BANP: variants seen among roughly 807,000 people sequenced by gnomAD.
The protein encoded by BANP is protein BANP.
Under a neutral mutation model 68.1 loss-of-function variants are expected in BANP, and 11 were observed. That is an observed-to-expected ratio of 0.16 (90% CI 0.10 to 0.27). BANP has a LOEUF of 0.27. BANP is among the 10% of genes least tolerant of loss of function. The pLI, the probability that BANP is intolerant of heterozygous loss-of-function variation, is 1.00. For synonymous variants in BANP, 329 were observed against 303.2 expected (o/e 1.09, Z -0.88); for missense variants, 504 against 722.7 (o/e 0.70, Z 3.47).
Position 88,071,334 on chromosome 16 carries a change from C to T in BANP, c.1378-735C>T. 1 of 376,544 alleles carries T rather than the reference C, an allele frequency of 2.7e-6. No homozygotes were observed. The highest frequency in any genetic ancestry group is 5.3e-6 in the Non-Finnish European group (1 of 188,534). The allele number at this position is 376,544 out of a possible 1,614,324, so 23.3% of individuals were successfully genotyped here. A position where few individuals can be genotyped will look rare whatever the true frequency, so the allele number is the denominator to read the frequency against. Reference sequence around the variant, plus strand: ...GCCGTCTTGACACCGGAGCTGCCTGCCTGGATGTTGGAGCGCCCAGTGGAT... The same window carrying T: ...GCCGTCTTGACACCGGAGCTGCCTGTCTGGATGTTGGAGCGCCCAGTGGAT... On this transcript the variant is annotated intron_variant, in intron 12 of 13. Coordinates refer to ENST00000682872, the MANE Select transcript of BANP (RefSeq NM_001386991.1). This position sits in a 1 kb window ranked among gnomAD's most constrained non-coding sequence, Gnocchi z 6.5.
intron 11 of BANP, among the ~76,000 whole-genome samples, chr16:88,058,046 C>CT (rs1446967429): frequency 6.6e-6 from 1 of 152,122 alleles, no homozygotes; most frequent in Non-Finnish European, 1.5e-5. Flanking sequence ...AATTTCCTAC[C>CT]TTTTTTTCAC....
At chr16:87,978,996 G>A (rs969871135) in intron 2 of BANP, among the ~76,000 whole-genome samples, 7 of 152,170 alleles carry the variant, frequency 4.6e-5, no homozygotes, top group Admixed American at 2.0e-4. Flanking sequence ...GACCAAAATC[G>A]GTCGACAGTG....
In BANP at chr16:88,052,781, C is replaced by G. The variant is rs141923593; in HGVS notation, c.1312-12486C>G. On this transcript the variant is annotated intron_variant, in intron 11 of 13. Coordinates refer to ENST00000682872, the MANE Select transcript of BANP (RefSeq NM_001386991.1). ...ACCATTACCATCTCCATCATCATCACTAACATAACCACCTTAACAACCACT... is the reference window on the plus strand; with the variant it reads ...ACCATTACCATCTCCATCATCATCAGTAACATAACCACCTTAACAACCACT... Among the ~76,000 whole-genome samples the G allele has an allele frequency of 1.1e-3, 164 of 151,740 alleles. 3 individuals are homozygous for G. The East Asian group carries it at 0.031, about 28-fold the overall frequency.
intron 6 of BANP, among the ~76,000 whole-genome samples, chr16:88,010,743 C>T (rs2072848614): frequency 6.6e-6 from 1 of 152,260 alleles, no homozygotes; most frequent in Admixed American, 6.5e-5. Context: ...ACCAGCTATG[C>T]ACGTGGAAAG....
intron 9 of BANP, chr16:88,035,048 A>G (rs2079015525): frequency 4.8e-6 from 2 of 413,258 alleles, no homozygotes; most frequent in Non-Finnish European, 8.9e-6. Context: ...GGGAAAAAGC[A>G]TAGCATATAT....
intron 9 of BANP, 43 bp downstream of exon 9, chr16:88,033,288 G>A (rs775647319): frequency 1.0e-5 from 15 of 1,495,264 alleles, no homozygotes; most frequent in East Asian, 2.4e-5. Context: ...AGGGGGCTGC[G>A]GGGTGGGCCA....
At chr16:88,075,865 G>C (rs1452669208) in intron 13 of BANP, among the ~76,000 whole-genome samples, 2 of 150,056 alleles carry the variant, frequency 1.3e-5, no homozygotes, top group Non-Finnish European at 2.9e-5. Flanking sequence ...TCCTACCTCA[G>C]CTTCCCTAGC....
chr16:88,051,200 G>C (rs564750736), intron 11 of BANP, among the ~76,000 whole-genome samples: 2 of 152,346 alleles, frequency 1.3e-5, no homozygotes, highest in Non-Finnish European at 2.9e-5. Context: ...CAGTGGTTTA[G>C]GGCTGAGGCC....
intron 12 of BANP, among the ~76,000 whole-genome samples, chr16:88,067,249 T>A (rs1323031099): frequency 6.6e-6 from 1 of 152,104 alleles, no homozygotes; most frequent in Non-Finnish European, 1.5e-5. Flanking sequence ...CTCATGGGGC[T>A]GAGGGGGTCA....
intron 13 of BANP, among the ~76,000 whole-genome samples, chr16:88,074,584 T>C (rs1032907445): frequency 6.6e-6 from 1 of 152,058 alleles, no homozygotes; most frequent in South Asian, 2.1e-4. Context: ...GGAGGGCAAG[T>C]GAGTCCCAGC....
chr16:88,025,331 A>G (rs1281661455), intron 7 of BANP, among the ~76,000 whole-genome samples: 3 of 152,358 alleles, frequency 2.0e-5, no homozygotes, highest in East Asian at 1.9e-4. Flanking sequence ...GACCACAGCC[A>G]GCGGCTGGGT....
intron 7 of BANP, among the ~76,000 whole-genome samples, chr16:88,025,942 G>C (rs1270423841): frequency 6.6e-6 from 1 of 152,192 alleles, no homozygotes; most frequent in African/African-American, 2.4e-5. Context: ...CTGCATTGAA[G>C]AGCCCTTCCC....
intron 1 of BANP, among the ~76,000 whole-genome samples, chr16:87,964,645 T>C (rs532988675): frequency 6.6e-6 from 1 of 152,310 alleles, no homozygotes; most frequent in East Asian, 1.9e-4. Context: ...GCACGTGTTT[T>C]TATGTGACGC....
intron 4 of BANP, among the ~76,000 whole-genome samples, chr16:87,992,940 C>T (rs995578794): frequency 4.6e-5 from 7 of 152,320 alleles, no homozygotes; most frequent in East Asian, 1.9e-4. Context: ...TCTGTGGGTC[C>T]ACAGGATGCT....
At chr16:87,995,829 C>A (rs1249001522) in intron 4 of BANP, among the ~76,000 whole-genome samples, 7 of 152,216 alleles carry the variant, frequency 4.6e-5, no homozygotes. Flanking sequence ...CGGCGGGGCG[C>A]CAAGGGGAAG....
chr16:88,047,508 C>G (rs999825734), intron 11 of BANP, among the ~76,000 whole-genome samples: 1 of 152,278 alleles, frequency 6.6e-6, no homozygotes, highest in African/African-American at 2.4e-5. Flanking sequence ...GTTCTTTCAG[C>G]CCTCATTGGA....
rs113688409 is a variant in BANP, at chr16:87,958,800, A to G, written c.-69+7285A>G. On this transcript the variant is annotated intron_variant, in intron 1 of 13. Transcript: ENST00000682872. Reference sequence around the variant, plus strand: ...CTCATCCAAGTTGATTTTAATCTCTATGGAGATCAGACTAATAACCTCACA... The same window carrying G: ...CTCATCCAAGTTGATTTTAATCTCTGTGGAGATCAGACTAATAACCTCACA... 5.3e-4 allele frequency among the ~76,000 whole-genome samples: 81 copies of G among 152,348 alleles called. 1 individual carries two copies. The highest frequency in any genetic ancestry group is 1.9e-3 in the African/African-American group (78 of 41,578).
At chr16:87,962,736 G>A (rs188484805) in intron 1 of BANP, among the ~76,000 whole-genome samples, 3 of 152,270 alleles carry the variant, frequency 2.0e-5, no homozygotes, top group South Asian at 2.1e-4. Flanking sequence ...AGTGGGAGCC[G>A]TCGGGAGAAG....
chr16:87,994,343 T>C (rs779478506), intron 4 of BANP, among the ~76,000 whole-genome samples: 2 of 152,190 alleles, frequency 1.3e-5, no homozygotes, highest in African/African-American at 4.8e-5. Flanking sequence ...GACTGTTGGG[T>C]GGAAGTCACA....
Sources: allele counts gnomAD v4.1 joint callset (sites outside exome capture counted in the v4.1 genomes callset), GRCh38; gene constraint gnomAD v4.1.1; non-coding constraint Gnocchi (gnomAD v3.1); transcripts MANE v1.5; gene names NCBI Gene and HGNC (gene_info 2026-07-23, HGNC 2026-07-21).